Variants in FRMD3 observed in about 807,000 individuals in gnomAD.
FRMD3 encodes FERM domain containing 3.
FRMD3 carries 33 observed loss-of-function variants against 70.2 expected under a neutral mutation model. That is an observed-to-expected ratio of 0.47 (90% CI 0.36 to 0.63). FRMD3 has a LOEUF of 0.63. Among genes scored for constraint, FRMD3 ranks in the 20% least tolerant of loss-of-function variants. FRMD3 has a pLI of 0.00. For missense variants in FRMD3, 632 were observed against 711.4 expected, an observed-to-expected ratio of 0.89 and a Z score of 1.27; for synonymous variants, 279 against 255.9, an observed-to-expected ratio of 1.09 and a Z score of -0.86.
chr9:83,561,070 A>G, the FRMD3 span, among the ~76,000 whole-genome samples: 9,826 of 152,298 alleles, frequency 0.065, 429 homozygotes, highest in Non-Finnish European at 0.087. Context: ...CCATGGTATT[A>G]TTCTTGGAAA....
intron 5 of FRMD3, among the ~76,000 whole-genome samples, chr9:83,340,974 G>A (rs1054187649): frequency 3.3e-5 from 5 of 152,288 alleles, no homozygotes; most frequent in African/African-American, 1.2e-4. Context: ...CAAACAAGAC[G>A]ATGAGGGGCG....
intron 3 of FRMD3, among the ~76,000 whole-genome samples, chr9:83,357,961 C>T (rs750993735): frequency 2.0e-5 from 3 of 152,038 alleles, no homozygotes; most frequent in Non-Finnish European, 4.4e-5. Context: ...GTTTTTGTTG[C>T]ACTTGCTTTT....
intron 1 of FRMD3, among the ~76,000 whole-genome samples, chr9:83,390,326 G>A (rs893035975): frequency 6.6e-6 from 1 of 152,200 alleles, no homozygotes; most frequent in African/African-American, 2.4e-5. Flanking sequence ...CTGCAGCTCT[G>A]CCAGGAGGCA....
chr9:83,464,416 C>T (rs1440031079), intron 1 of FRMD3, among the ~76,000 whole-genome samples: 2 of 152,166 alleles, frequency 1.3e-5, no homozygotes, highest in Non-Finnish European at 2.9e-5. Flanking sequence ...CTGGCTCATG[C>T]ACTGTCCCAT....
At chr9:83,495,559 G>T (rs1294279891) in intron 1 of FRMD3, among the ~76,000 whole-genome samples, 1 of 152,176 alleles carries the variant, frequency 6.6e-6, no homozygotes, top group African/African-American at 2.4e-5. Context: ...GAGTTATTAC[G>T]TATTATTTCA....
chr9:83,375,634 C>G (rs1368744530), intron 2 of FRMD3, among the ~76,000 whole-genome samples: 1 of 152,134 alleles, frequency 6.6e-6, no homozygotes, highest in African/African-American at 2.4e-5. Context: ...ATACCAATAC[C>G]ACATGTTCTC....
At chr9:83,377,122 C>T (rs1161120381) in intron 2 of FRMD3, among the ~76,000 whole-genome samples, 1 of 152,156 alleles carries the variant, frequency 6.6e-6, no homozygotes, top group Non-Finnish European at 1.5e-5. Flanking sequence ...GAAATAATCA[C>T]TAAGATACTA....
chr9:83,502,242 C>A (rs1292616167), intron 1 of FRMD3, among the ~76,000 whole-genome samples: 1 of 152,134 alleles, frequency 6.6e-6, no homozygotes, highest in African/African-American at 2.4e-5. Context: ...GGGTAGTGTG[C>A]TAGGAGCTAA....
rs772587451 is a variant in FRMD3 at position 83,299,198 on chromosome 9, A to G, written c.927-12T>C. 6.3e-7 allele frequency: 1 copy of G among 1,586,946 alleles called. No individual in the cohort carries two copies. Among genetic ancestry groups the G allele is most frequent in the Non-Finnish European group, 8.6e-7 (1 of 1,157,702 alleles). Reference sequence around the variant, plus strand: ...TGGATTTTGCATACCTTTAAGAAAAAGCAAAGCACAGGTGGTTAGGACATT... The same window carrying G: ...TGGATTTTGCATACCTTTAAGAAAAGGCAAAGCACAGGTGGTTAGGACATT... On this transcript the variant is annotated splice_polypyrimidine_tract_variant and intron_variant, in intron 10 of 13. Coordinates refer to ENST00000304195, the MANE Select transcript of FRMD3 (RefSeq NM_174938.6).
At chr9:83,427,408 G>T (rs1587842791) in intron 1 of FRMD3, among the ~76,000 whole-genome samples, 1 of 152,242 alleles carries the variant, frequency 6.6e-6, no homozygotes, top group East Asian at 1.9e-4. Flanking sequence ...ATCCCTTAGG[G>T]GACAGAACAT....
chr9:83,415,904 A>G (rs977318384), intron 1 of FRMD3, among the ~76,000 whole-genome samples: 2 of 152,204 alleles, frequency 1.3e-5, no homozygotes, highest in Non-Finnish European at 2.9e-5. Context: ...TTGATTGGAC[A>G]TGGTGCTGAC....
At chr9:83,399,514 T>C (rs1825894736) in intron 1 of FRMD3, among the ~76,000 whole-genome samples, 1 of 151,976 alleles carries the variant, frequency 6.6e-6, no homozygotes, top group Admixed American at 6.6e-5. Context: ...TTGTTCCAGA[T>C]TTTCGTGCCA....
chr9:83,430,409 T>G (rs1333760916), intron 1 of FRMD3, among the ~76,000 whole-genome samples: 1 of 152,196 alleles, frequency 6.6e-6, no homozygotes, highest in Non-Finnish European at 1.5e-5. Flanking sequence ...TGTACATGTG[T>G]ATAAGTACAT....
intron 1 of FRMD3, among the ~76,000 whole-genome samples, chr9:83,445,365 G>GATAA (rs1827427746): frequency 6.6e-6 from 1 of 151,078 alleles, no homozygotes; most frequent in African/African-American, 2.4e-5. Flanking sequence ...TAGATAGATA[G>GATAA]ATAGATAGAT....
Position 83,497,143 on chromosome 9 carries a change from A to G in FRMD3, c.147+40942T>C, listed in dbSNP as rs542885542. Among the ~76,000 whole-genome samples the G allele has an allele frequency of 3.3e-4, 51 of 152,312 alleles. No homozygotes were observed. The East Asian group carries it at 5.8e-3, about 17-fold the overall frequency. ...AGTAAATAAATAAATAAAATGTCAG[A>G]GTAATACCCAAATTCAGTACATGCT... On this transcript the variant is annotated intron_variant, in intron 1 of 13. Coordinates refer to ENST00000304195, the MANE Select transcript of FRMD3 (RefSeq NM_174938.6).
chr9:83,320,859 C>T (rs1835775191), intron 6 of FRMD3, among the ~76,000 whole-genome samples: 1 of 152,072 alleles, frequency 6.6e-6, no homozygotes, highest in African/African-American at 2.4e-5. Context: ...TTTTTTATTA[C>T]TGACTCAGTC....
In FRMD3 at chr9:83,296,299, C is replaced by T. The variant is rs996921870; in HGVS notation, c.1070+2449G>A. On this transcript the variant is annotated intron_variant, in intron 12 of 13. Coordinates refer to ENST00000304195, the MANE Select transcript of FRMD3 (RefSeq NM_174938.6). ...TATGGCTTTGACCACAATGCTGTCTCTGGGGAGATTGAGGTCCCCGGGGCA... is the reference window on the plus strand; with the variant it reads ...TATGGCTTTGACCACAATGCTGTCTTTGGGGAGATTGAGGTCCCCGGGGCA... Among the ~76,000 whole-genome samples, 3 of 152,318 alleles carry T rather than the reference C, an allele frequency of 2.0e-5. No individual in the cohort carries two copies. The East Asian group carries it at 5.8e-4, about 29-fold the overall frequency.
the FRMD3 span, among the ~76,000 whole-genome samples, chr9:83,575,399 G>T: frequency 9.9e-5 from 15 of 152,214 alleles, no homozygotes; most frequent in East Asian, 2.9e-3. Flanking sequence ...GTCAAATGTG[G>T]CTTCTGAGAG....
chr9:83,292,984 C>T (rs557893403), intron 12 of FRMD3, among the ~76,000 whole-genome samples: 163 of 152,288 alleles, frequency 1.1e-3, no homozygotes, highest in Non-Finnish European at 2.0e-3. Context: ...GCTGGAACAC[C>T]GTGCCTCTCA....
Sources: allele counts gnomAD v4.1 joint callset (sites outside exome capture counted in the v4.1 genomes callset), GRCh38; gene constraint gnomAD v4.1.1; transcripts MANE v1.5; gene names NCBI Gene and HGNC (gene_info 2026-07-23, HGNC 2026-07-21).